The following CAND2 variants were observed in gnomAD, a reference collection of about 807,000 sequenced individuals.
CAND2 encodes the protein cullin-associated NEDD8-dissociated protein 2.
A neutral mutation model predicts 98.9 loss-of-function variants in CAND2; 62 were observed. That is an observed-to-expected ratio of 0.63 (90% CI 0.51 to 0.77). The LOEUF is 0.77. Among genes scored for constraint, CAND2 ranks in the 30% least tolerant of loss-of-function variants. The pLI is 0.00. For synonymous variants in CAND2, 770 were observed against 731.9 expected, an observed-to-expected ratio of 1.05 and a Z score of -0.84; for missense variants, 1,501 against 1,655.2, an observed-to-expected ratio of 0.91 and a Z score of 1.62.
At chr3:12,807,011 C>T in intron 2 of CAND2, 1 of 291,776 alleles carries the variant, frequency 3.4e-6, no homozygotes. Flanking sequence ...TCTGTTTAAA[C>T]AAGCCCGCCA....
intron 12 of CAND2, among the ~76,000 whole-genome samples, chr3:12,826,830 C>CTTTT (rs1407883495): frequency 7.6e-6 from 1 of 131,786 alleles, no homozygotes; most frequent in African/African-American, 2.9e-5. Context: ...GTAACATTTA[C>CTTTT]TTTTTTTTTT....
In CAND2 at chr3:12,817,120, G is replaced by A; in HGVS notation, c.2188G>A (p.Val730Met). ...GACCCAGGCCCAGCCAGCCTCTTTG[G>A]TGGAGGTCAGTGGCCCTGTGCTCTC... is the stretch of plus-strand genomic sequence containing the variant. The part of the protein sequence containing the change: ...TVTQAQPASL[V>M]EVSGPVLSEL... Residue 730 changes from valine to methionine, a missense_variant, in exon 10 of 15, where the codon GTG becomes ATG. By Grantham distance (21) the Val-to-Met change is conservative (BLOSUM62 1). Transcript: ENST00000456430. 1 of 1,613,016 alleles carries A rather than the reference G, an allele frequency of 6.2e-7. No individual in the cohort carries two copies. Among genetic ancestry groups the A allele is most frequent in the Non-Finnish European group, 8.5e-7 (1 of 1,180,000 alleles).
Position 12,816,524 on chromosome 3 carries a change from C to T in CAND2, c.1592C>T (p.Ala531Val). Reference protein sequence around the residue: ...ILLPPVMACVADSFYKIAAEA... With the variant: ...ILLPPVMACVVDSFYKIAAEA... ...CTGCCACCTGTGATGGCCTGTGTGG[C>T]TGACTCTTTCTACAAGATTGCAGCC... The change falls in exon 10 of 15, where the codon GCT (alanine) becomes GTT (valine). Residue 531 changes from alanine to valine, a missense_variant. By Grantham distance (64) the Ala-to-Val change is moderately conservative. Coordinates refer to ENST00000456430, the MANE Select transcript of CAND2 (RefSeq NM_001162499.2). The T allele has an allele frequency of 6.2e-7, 1 of 1,614,044 alleles. No individual in the cohort carries two copies. Among genetic ancestry groups the T allele is most frequent in the Non-Finnish European group, 8.5e-7 (1 of 1,179,974 alleles).
rs183560231 is a variant in CAND2, at chr3:12,817,508, A to G, written c.2576A>G (p.Gln859Arg). 224 of 1,613,636 alleles carry G rather than the reference A, an allele frequency of 1.4e-4. No individual in the cohort carries two copies. In the Admixed American group the frequency reaches 1.4e-3, roughly 10 times the overall value. Residue 859 changes from glutamine to arginine, a missense_variant, in exon 10 of 15, where the codon CAG becomes CGG. Around this residue, in one of 3 missense-constraint regions of CAND2, gnomAD observed 1,427 missense variants for 1,545.3 expected, o/e 0.92. Coordinates refer to ENST00000456430, the MANE Select transcript of CAND2 (RefSeq NM_001162499.2). Reference protein sequence around the residue: ...EVGQVAGPGHQRELKAVLLEA... With the variant: ...EVGQVAGPGHRRELKAVLLEA... ...GGTCAGGTGGCTGGGCCAGGCCACC[A>G]GCGGGAGCTGAAGGCGGTGCTCCTG...
In CAND2 at chr3:12,834,298, T is replaced by C; in HGVS notation, c.*316T>C. The C allele has an allele frequency of 3.0e-6, 1 of 337,284 alleles. No individual in the cohort carries two copies. Among genetic ancestry groups the C allele is most frequent in the Non-Finnish European group, 5.6e-6 (1 of 179,880 alleles). The allele number at this position is 337,284 out of a possible 1,614,324, so 20.9% of individuals were successfully genotyped here. On this transcript the variant is annotated 3_prime_UTR_variant, in exon 15 of 15. Coordinates refer to ENST00000456430, the MANE Select transcript of CAND2 (RefSeq NM_001162499.2). Reference sequence around the variant, plus strand: ...GTCTGTCTGGTTCCTTCAGAGGGTGTCTCTGCCTCACAAACTAGTAGTATT... The same window carrying C: ...GTCTGTCTGGTTCCTTCAGAGGGTGCCTCTGCCTCACAAACTAGTAGTATT...
At chr3:12,811,297 A>G (rs900273218) in intron 5 of CAND2, among the ~76,000 whole-genome samples, 2 of 152,092 alleles carry the variant, frequency 1.3e-5, no homozygotes, top group Non-Finnish European at 2.9e-5. Context: ...CCCAGACAGA[A>G]TGGAGTCTAG....
At chr3:12,808,653 A>C (rs1484030299) in intron 4 of CAND2, among the ~76,000 whole-genome samples, 1 of 152,176 alleles carries the variant, frequency 6.6e-6, no homozygotes, top group African/African-American at 2.4e-5. Flanking sequence ...AAAACTGTGA[A>C]TGGAGTAAGC....
chr3:12,796,753 C>T lies in CAND2; in HGVS notation c.33C>T (p.Leu11=), dbSNP rs1254821318. 2.5e-6 allele frequency: 4 copies of T among 1,590,368 alleles called. No individual in the cohort carries two copies. In the South Asian group the frequency reaches 3.4e-5, roughly 14 times the overall value. The change falls in exon 1 of 15, where the codon CTC becomes CTT. Residue 11 remains leucine, a synonymous_variant. Coordinates refer to ENST00000456430, the MANE Select transcript of CAND2 (RefSeq NM_001162499.2). MSTAAFHISS[L]LEKMTSSDKD... ...CCGCCGCCTTCCACATCTCCAGCCT[C>T]CTGGAGAAGATGACGTCCAGCGACA...
chr3:12,822,590 T>TGCCCA (rs1350890656), intron 11 of CAND2, among the ~76,000 whole-genome samples: 3 of 152,154 alleles, frequency 2.0e-5, no homozygotes. Flanking sequence ...TGAGCCCCCG[T>TGCCCA]GCCCAGCCTC....
In CAND2 at chr3:12,799,981, C is replaced by T. The variant is rs541495762; in HGVS notation, c.68+3193C>T. Among the ~76,000 whole-genome samples, 34 of 152,298 alleles carry T rather than the reference C, an allele frequency of 2.2e-4. No homozygotes were observed. In the South Asian group the frequency reaches 7.0e-3, roughly 32 times the overall value. ...GCCTATCTTGGGCAAAGAGGCACAT[C>T]GCCTGGGTTGCCAGGCTGAGCTGGG... On this transcript the variant is annotated intron_variant, in intron 1 of 14. Transcript: ENST00000456430.
At chr3:12,827,341 G>A in intron 12 of CAND2, 99 bp from the exon 13 acceptor site, 1 of 1,177,804 alleles carries the variant, frequency 8.5e-7, no homozygotes, top group Non-Finnish European at 1.2e-6. Context: ...TTTGGGGCTG[G>A]CATGGATTGT....
intron 11 of CAND2, 39 bp downstream of exon 11, chr3:12,820,220 C>A: frequency 6.9e-7 from 1 of 1,459,432 alleles, no homozygotes; most frequent in Non-Finnish European, 9.6e-7. Context: ...TTGTTCAGTG[C>A]CCCCACCCAG....
At chr3:12,828,800 G>A (rs2062026609) in intron 13 of CAND2, among the ~76,000 whole-genome samples, 1 of 152,186 alleles carries the variant, frequency 6.6e-6, no homozygotes, top group Admixed American at 6.5e-5. Flanking sequence ...CTAGGTTTCT[G>A]CCCTTGTAAG....
At chr3:12,827,155 T>C (rs1191218703) in intron 12 of CAND2, among the ~76,000 whole-genome samples, 1 of 152,210 alleles carries the variant, frequency 6.6e-6, no homozygotes, top group African/African-American at 2.4e-5. Flanking sequence ...CTGATGGCAT[T>C]TGTGATGCTT....
intron 11 of CAND2, among the ~76,000 whole-genome samples, chr3:12,822,026 C>T (rs771497075): frequency 3.9e-5 from 6 of 152,138 alleles, no homozygotes; most frequent in Non-Finnish European, 7.4e-5. Context: ...TTAGCATCCA[C>T]GGTTGTTTCT....
At chr3:12,827,643 A>G in intron 13 of CAND2, 39 bp downstream of exon 13, 2 of 1,561,694 alleles carry the variant, frequency 1.3e-6, no homozygotes, top group Non-Finnish European at 8.7e-7. Flanking sequence ...GTGCCCCTGT[A>G]CCAAGGGATA....
intron 1 of CAND2, among the ~76,000 whole-genome samples, chr3:12,797,669 G>C (rs933539098): frequency 9.9e-5 from 15 of 152,182 alleles, no homozygotes; most frequent in Non-Finnish European, 1.9e-4. Context: ...GGCCCCTCCA[G>C]CTGAAAGAAG....
chr3:12,817,988 T>A, intron 10 of CAND2, 112 bp downstream of exon 10: 1 of 994,980 alleles, frequency 1.0e-6, no homozygotes, highest in Non-Finnish European at 1.4e-6. Flanking sequence ...GATACAAGAA[T>A]CACGGTATCT....
rs979255996 is a variant in CAND2, at chr3:12,816,480, C to A, written c.1548C>A (p.His516Gln). 1 of 1,613,996 alleles carries A rather than the reference C, an allele frequency of 6.2e-7. No individual in the cohort carries two copies. The highest frequency in any genetic ancestry group is 8.5e-7 in the Non-Finnish European group (1 of 1,179,982). The stretch of plus-strand genomic sequence containing the variant: ...GCACCGAACCAGCTGAGGCCTTCCA[C>A]CCACACTTGCCTATCCTCCTGCCAC... ...LLGTEPAEAFHPHLPILLPPV... is the reference protein window; with the variant it reads ...LLGTEPAEAFQPHLPILLPPV... Residue 516 changes from histidine to glutamine, a missense_variant, in exon 10 of 15, where the codon CAC (histidine) becomes CAA (glutamine). Around this residue, in one of 3 missense-constraint regions of CAND2, gnomAD observed 1,427 missense variants for 1,545.3 expected, o/e 0.92. Coordinates refer to ENST00000456430, the MANE Select transcript of CAND2 (RefSeq NM_001162499.2).
Sources: allele counts gnomAD v4.1 joint callset (sites outside exome capture counted in the v4.1 genomes callset), GRCh38; gene constraint gnomAD v4.1.1; regional missense constraint gnomAD v4.1.1; transcripts MANE v1.5; gene names NCBI Gene and HGNC (gene_info 2026-07-23, HGNC 2026-07-21).